Variants in SRPK2 observed in about 807,000 individuals in gnomAD.
SRPK2 encodes the protein SFRS protein kinase 2.
SRPK2 carries 21 observed loss-of-function variants against 90.8 expected under a neutral mutation model. The observed-to-expected ratio is 0.23, with a 90% CI of 0.16 to 0.33. SRPK2 has a LOEUF of 0.33. Ranked by LOEUF, SRPK2 falls within the 10% of genes least tolerant of loss-of-function variation. The pLI is 1.00. For missense variants in SRPK2, 620 were observed against 869.0 expected (o/e 0.71, Z 3.60); for synonymous variants, 288 against 311.1 (o/e 0.93, Z 0.78).
At chr7:105,338,060 CTT>C (rs1815311960) in intron 2 of SRPK2, among the ~76,000 whole-genome samples, 1 of 137,274 alleles carries the variant, frequency 7.3e-6, no homozygotes, top group South Asian at 2.4e-4. Context: ...TTAAAAAAAA[CTT>C]TAAAAAAGAA....
At chr7:105,340,741 G>A (rs1391089979) in intron 2 of SRPK2, among the ~76,000 whole-genome samples, 2 of 152,018 alleles carry the variant, frequency 1.3e-5, no homozygotes, top group South Asian at 2.1e-4. Context: ...ACTGTACAAG[G>A]CCACAGCAGA....
intron 2 of SRPK2, among the ~76,000 whole-genome samples, chr7:105,385,121 C>G (rs1821390704): frequency 6.7e-6 from 1 of 149,046 alleles, no homozygotes; most frequent in South Asian, 2.1e-4. Flanking sequence ...ATCCGCCCGC[C>G]TCGGCCTCCC....
At chr7:105,339,411 A>C (rs918774652) in intron 2 of SRPK2, among the ~76,000 whole-genome samples, 1 of 152,224 alleles carries the variant, frequency 6.6e-6, no homozygotes, top group African/African-American at 2.4e-5. Flanking sequence ...CAAACATAGA[A>C]GAATATAATG....
intron 2 of SRPK2, among the ~76,000 whole-genome samples, chr7:105,360,266 ATG>A (rs1818279436): frequency 6.6e-6 from 1 of 152,044 alleles, no homozygotes; most frequent in Non-Finnish European, 1.5e-5. Context: ...TTTTGAGACT[ATG>A]TGTGTCTCTG....
chr7:105,387,690 C>T (rs968474043), intron 2 of SRPK2, among the ~76,000 whole-genome samples: 4 of 152,102 alleles, frequency 2.6e-5, no homozygotes, highest in African/African-American at 9.7e-5. Context: ...CCCCACAGTA[C>T]CAAAGATGCC....
chr7:105,136,861 G>C (rs1161089946), intron 11 of SRPK2, among the ~76,000 whole-genome samples: 1 of 152,160 alleles, frequency 6.6e-6, no homozygotes, highest in African/African-American at 2.4e-5. Flanking sequence ...AGTACCTTCT[G>C]TGTGCTAAGC....
intron 3 of SRPK2, among the ~76,000 whole-genome samples, chr7:105,202,799 C>T (rs1795721563): frequency 1.3e-5 from 2 of 152,192 alleles, no homozygotes; most frequent in South Asian, 4.1e-4. Context: ...AACAAATGTG[C>T]ATGCTTGCTT....
chr7:105,199,314 G>A (rs1347902068), intron 3 of SRPK2, among the ~76,000 whole-genome samples: 1 of 151,938 alleles, frequency 6.6e-6, no homozygotes, highest in Non-Finnish European at 1.5e-5. Flanking sequence ...TTTTTTAATT[G>A]TATTTTGAGG....
intron 2 of SRPK2, chr7:105,245,034 A>AC: frequency 5.2e-5 from 27 of 524,136 alleles, no homozygotes; most frequent in African/African-American, 7.8e-5. Context: ...AAACAAAACA[A>AC]ACACACACAC....
chr7:105,280,824 G>A (rs1037909927), intron 2 of SRPK2, among the ~76,000 whole-genome samples: 3 of 150,874 alleles, frequency 2.0e-5, no homozygotes, highest in African/African-American at 4.9e-5. Context: ...GCGGGCACCT[G>A]TAGTCCCAGC....
At chr7:105,125,994 G>T (rs1014293002) in intron 15 of SRPK2, 36 of 650,852 alleles carry the variant, frequency 5.5e-5, no homozygotes, top group Non-Finnish European at 5.2e-6. Context: ...ATGACCAAAA[G>T]TACAGGCCTT....
upstream of SRPK2, among the ~76,000 whole-genome samples, chr7:105,392,575 G>A (rs932846198): frequency 1.3e-5 from 2 of 152,130 alleles, no homozygotes; most frequent in African/African-American, 4.8e-5. Flanking sequence ...GTGCAATGGT[G>A]TGATCTCAGC....
intron 2 of SRPK2, among the ~76,000 whole-genome samples, chr7:105,248,747 C>T (rs1802070228): frequency 6.6e-6 from 1 of 152,052 alleles, no homozygotes; most frequent in Admixed American, 6.5e-5. Flanking sequence ...TGAGACCATC[C>T]TAGCTAACAC....
intron 2 of SRPK2, among the ~76,000 whole-genome samples, chr7:105,311,868 A>G (rs1457424229): frequency 6.6e-6 from 1 of 152,230 alleles, no homozygotes. Flanking sequence ...CTAGGTTTAT[A>G]TTCAAAAGAA....
intron 2 of SRPK2, among the ~76,000 whole-genome samples, chr7:105,387,913 A>G (rs1821817814): frequency 1.3e-5 from 2 of 152,206 alleles, no homozygotes; most frequent in South Asian, 2.1e-4. Flanking sequence ...GGTGGCCGCC[A>G]CGGGCGCGTT....
At position 105,182,231 on chromosome 7, in the gene SRPK2, C is replaced by CAAA. The variant is rs368137906; in HGVS notation, c.230-12969_230-12967dup. Among the ~76,000 whole-genome samples the CAAA allele has an allele frequency of 1.2e-3, 78 of 65,584 alleles. 1 individual carries two copies. The highest frequency in any genetic ancestry group is 8.2e-3 in the Middle Eastern group (1 of 122). The allele number at this position is 65,584 out of a possible 152,430, so 43.0% of individuals were successfully genotyped here. A position where few individuals can be genotyped will look rare whatever the true frequency, so the allele number is the denominator to read the frequency against. On this transcript the variant is annotated intron_variant, in intron 3 of 15. Transcript: ENST00000393651. Reference sequence around the variant, plus strand: ...GGGCAACAAGTGCAAGACTCTGTCTCAAAAAAAAAAAAAAAAAAAAAATTC... The same window carrying CAAA: ...GGGCAACAAGTGCAAGACTCTGTCTCAAAAAAAAAAAAAAAAAAAAAAAAATTC...
At chr7:105,265,100 A>T (rs1162019193) in intron 2 of SRPK2, among the ~76,000 whole-genome samples, 2 of 152,136 alleles carry the variant, frequency 1.3e-5, no homozygotes, top group Non-Finnish European at 2.9e-5. Context: ...TTCCTTCTAC[A>T]CACAACACAC....
At chr7:105,277,737 T>A (rs186212000) in intron 2 of SRPK2, among the ~76,000 whole-genome samples, 4 of 152,274 alleles carry the variant, frequency 2.6e-5, no homozygotes, top group African/African-American at 4.8e-5. Flanking sequence ...CAAAAAACTA[T>A]CCCCAATTAT....
chr7:105,345,010 C>A (rs914445752), intron 2 of SRPK2, among the ~76,000 whole-genome samples: 2 of 151,990 alleles, frequency 1.3e-5, no homozygotes, highest in Non-Finnish European at 2.9e-5. Context: ...ATGGCAGCAG[C>A]CTGTAATCCC....
Sources: gnomAD v4.1 joint callset for allele counts (sites outside exome capture counted in the v4.1 genomes callset) on GRCh38, gnomAD v4.1.1 for gene constraint, MANE v1.5 for transcripts, NCBI Gene and HGNC (gene_info 2026-07-23, HGNC 2026-07-21) for gene names.